The following PLG variants were observed in gnomAD, a reference collection of about 807,000 sequenced individuals.
PLG encodes plasminogen.
In PLG, 41 loss-of-function variants were observed where a neutral mutation model predicts 104.4. The observed-to-expected ratio is 0.39, with a 90% confidence interval of 0.31 to 0.51. The LOEUF is 0.51. Among genes scored for constraint, PLG ranks in the 20% least tolerant of loss-of-function variants. The pLI is 0.76. For synonymous variants in PLG, 337 were observed against 357.1 expected (o/e 0.94, Z 0.63); for missense variants, 891 against 1,003.6 (o/e 0.89, Z 1.52).
In PLG at chr6:160,741,433, T is replaced by C. The variant is rs1023952165; in HGVS notation, c.2125+16T>C. ...GAAACCCAAGGTGAGATAAATTCCA[T>C]TGCCCACATAACGAATTGGTTTTGA... On this transcript the variant is annotated intron_variant, in intron 17 of 18. Coordinates refer to ENST00000308192, the MANE Select transcript of PLG (RefSeq NM_000301.5). This position sits in a 1 kb window ranked among gnomAD's most constrained non-coding sequence, Gnocchi z 4.7. The C allele has an allele frequency of 6.8e-7, 1 of 1,474,638 alleles. No individual in the cohort carries two copies. The highest frequency in any genetic ancestry group is 9.5e-7 in the Non-Finnish European group (1 of 1,052,562). 91.3% of individuals were successfully genotyped at this position (1,474,638 alleles called of 1,614,324 possible).
Position 160,748,028 on chromosome 6 carries a change from T to C in PLG, c.2126-4087T>C, listed in dbSNP as rs569706339. 8.0e-3 allele frequency among the ~76,000 whole-genome samples: 1,208 copies of C among 151,620 alleles called. 9 individuals are homozygous for C. Among genetic ancestry groups the C allele is most frequent in the Non-Finnish European group, 0.013 (851 of 67,642 alleles). On this transcript the variant is annotated intron_variant, in intron 17 of 18. Coordinates refer to ENST00000308192, the MANE Select transcript of PLG (RefSeq NM_000301.5). ...TTAGAAAAGTCATAAACTCTCTGGC[T>C]GGGTGCAGTGGCTCACGCCTGTAAT... is the stretch of plus-strand genomic sequence containing the variant.
Position 160,753,127 on chromosome 6 carries a change from T to C in PLG, c.*66T>C, listed in dbSNP as rs1289063115. 3.4e-5 allele frequency: 34 copies of C among 1,008,660 alleles called. No homozygotes were observed. The highest frequency in any genetic ancestry group is 5.0e-5 in the Non-Finnish European group (33 of 657,716). 62.5% of individuals were successfully genotyped at this position (1,008,660 alleles called of 1,614,324 possible). A position where few individuals can be genotyped will look rare whatever the true frequency, so the allele number is the denominator to read the frequency against. ...CTGGAACGTGGGTAGGGATTTAGCA[T>C]GCTGGAAATAACTGGCAGTAATCAA... On this transcript the variant is annotated 3_prime_UTR_variant, in exon 19 of 19. Transcript: ENST00000308192. The surrounding 1 kb of genome is among the most constrained non-coding windows in gnomAD (Gnocchi z 5.4).
At chr6:160,704,978 G>A (rs1193160271) in intron 1 of PLG, among the ~76,000 whole-genome samples, 5 of 152,096 alleles carry the variant, frequency 3.3e-5, no homozygotes, top group African/African-American at 9.7e-5. Context: ...TCCCCTGACC[G>A]CATGTTCCCT....
At chr6:160,705,517 T>C (rs922881419) in intron 1 of PLG, 3 of 152,252 alleles carry the variant, frequency 2.0e-5, no homozygotes, top group African/African-American at 7.2e-5. Context: ...AGTAGTGTTG[T>C]GTGACTGTCA....
rs1442681521 is a variant in PLG, at chr6:160,726,352, A to C, written c.1256+3785A>C. Among the ~76,000 whole-genome samples the C allele has an allele frequency of 6.6e-6, 1 of 152,134 alleles. No homozygotes were observed. The highest frequency in any genetic ancestry group is 1.5e-5 in the Non-Finnish European group (1 of 67,940). ...CATTTCCAAATACTTCATAAGTCAA[A>C]GAAGGAATTTAGAAAAGTTTTGAAC... On this transcript the variant is annotated intron_variant, in intron 10 of 18. Coordinates refer to ENST00000308192, the MANE Select transcript of PLG (RefSeq NM_000301.5). This position sits in a 1 kb window ranked among gnomAD's most constrained non-coding sequence, Gnocchi z 4.4.
At chr6:160,715,006 C>T (rs1160322148) in intron 6 of PLG, 92 bp downstream of exon 6, 10 of 1,309,050 alleles carry the variant, frequency 7.6e-6, no homozygotes, top group African/African-American at 1.5e-5. Flanking sequence ...TAGCATTCCT[C>T]AAGAAGTGAA....
In PLG at chr6:160,744,126, T is replaced by C. The variant is rs370186991; in HGVS notation, c.2125+2709T>C. 2.6e-5 allele frequency among the ~76,000 whole-genome samples: 4 copies of C among 152,258 alleles called. No individual in the cohort carries two copies. The East Asian group carries it at 7.7e-4, about 29-fold the overall frequency. On this transcript the variant is annotated intron_variant, in intron 17 of 18. Coordinates refer to ENST00000308192, the MANE Select transcript of PLG (RefSeq NM_000301.5). The surrounding 1 kb of genome is among the most constrained non-coding windows in gnomAD (Gnocchi z 4.5). The stretch of plus-strand genomic sequence containing the variant: ...GATATTGGCCTGAAGTTTTTTGTTG[T>C]TTTTGTGTCTCTGCCAGGTTTTGGT...
At chr6:160,748,441 AAGGGAGGGAGGG>A (rs377006594) in intron 17 of PLG, among the ~76,000 whole-genome samples, 4,749 of 82,692 alleles carry the variant, frequency 0.057, 591 homozygotes, top group African/African-American at 0.19. Context: ...CGAAAGAAAG[AAGGGAGGGAGGG>A]AGGGAGGGAG....
At chr6:160,747,992 G>T (rs765371268) in intron 17 of PLG, among the ~76,000 whole-genome samples, 28 of 152,144 alleles carry the variant, frequency 1.8e-4, no homozygotes, top group Non-Finnish European at 3.5e-4. Context: ...CCATTTACTG[G>T]CTGTCAGGAC....
Position 160,753,621 on chromosome 6 carries a change from G to A in PLG, c.*560G>A, listed in dbSNP as rs373956668. On this transcript the variant is annotated 3_prime_UTR_variant, in exon 19 of 19. Coordinates refer to ENST00000308192, the MANE Select transcript of PLG (RefSeq NM_000301.5). This position sits in a 1 kb window ranked among gnomAD's most constrained non-coding sequence, Gnocchi z 5.4. ...CCGACTGCTTGACTTGAGCCCAGGG[G>A]ACACGGAGCAGAGAGCTGTATATGA... 6.6e-6 allele frequency among the ~76,000 whole-genome samples: 1 copy of A among 151,990 alleles called. No individual in the cohort carries two copies. The highest frequency in any genetic ancestry group is 6.6e-5 in the Admixed American group (1 of 15,226).
At chr6:160,710,820 G>A (rs1024142296) in intron 3 of PLG, among the ~76,000 whole-genome samples, 7 of 152,144 alleles carry the variant, frequency 4.6e-5, no homozygotes, top group African/African-American at 1.4e-4. Context: ...CAAGCCTCTG[G>A]CTGCACTGTG....
At position 160,752,417 on chromosome 6, in the gene PLG, C is replaced by T. The variant is rs768393519; in HGVS notation, c.2271+157C>T. On this transcript the variant is annotated intron_variant, in intron 18 of 18. Coordinates refer to ENST00000308192, the MANE Select transcript of PLG (RefSeq NM_000301.5). The surrounding 1 kb of genome is among the most constrained non-coding windows in gnomAD (Gnocchi z 4.7). ...AACTTCCTAGATCTGTCCCTGAATG[C>T]GTATTCAGATCATCTAAGGGGATGT... 5.9e-5 allele frequency among the ~76,000 whole-genome samples: 9 copies of T among 152,176 alleles called. No homozygotes were observed. The highest frequency in any genetic ancestry group is 1.3e-4 in the Admixed American group (2 of 15,276).
chr6:160,751,914 T>C (rs1260238634), intron 17 of PLG, among the ~76,000 whole-genome samples: 1 of 152,186 alleles, frequency 6.6e-6, no homozygotes, highest in Admixed American at 6.5e-5. Flanking sequence ...AAAGCCCAGA[T>C]TGTTAATTCC....
intron 3 of PLG, among the ~76,000 whole-genome samples, chr6:160,709,184 G>A (rs977827824): frequency 6.6e-6 from 1 of 152,094 alleles, no homozygotes; most frequent in African/African-American, 2.4e-5. Context: ...AAAAAAAGAA[G>A]TGAAAAGTCA....
chr6:160,721,428 G>C (rs1477470161), intron 9 of PLG, among the ~76,000 whole-genome samples: 5 of 152,154 alleles, frequency 3.3e-5, no homozygotes, highest in Admixed American at 2.0e-4. Context: ...TAACTGAATT[G>C]GGATTTGTGA....
At chr6:160,712,325 C>T (rs1777659097) in intron 4 of PLG, 1 of 156,370 alleles carries the variant, frequency 6.4e-6, no homozygotes, top group Admixed American at 6.2e-5. Context: ...TACAGCAACT[C>T]ATCTCTAGAA....
At position 160,718,271 on chromosome 6, in the gene PLG, G is replaced by A. The variant is rs367605068; in HGVS notation, c.788-23G>A. On this transcript the variant is annotated intron_variant, in intron 7 of 18. Transcript: ENST00000308192. ...GTCTCAAAAAATATATATATTCATT[G>A]TAACTTATTTTGCCCATTCAAGCAA... 3.1e-4 allele frequency: 502 copies of A among 1,601,766 alleles called. 1 individual carries two copies. The highest frequency in any genetic ancestry group is 4.1e-4 in the Non-Finnish European group (475 of 1,168,914).
At chr6:160,733,939 CCTT>C in intron 12 of PLG, 53 bp from the exon 13 acceptor site, 3 of 883,708 alleles carry the variant, frequency 3.4e-6, no homozygotes, top group Non-Finnish European at 5.8e-6. Flanking sequence ...CCTTGGAACA[CCTT>C]CTCCCTCTCC....
rs1228035650 is a variant in PLG, at chr6:160,731,215, A to G, written c.1421A>G (p.Glu474Gly). ...CCTGTTGTCCTGCTTCCAGATGTAG[A>G]GACTCCTTCCGAAGAAGGTAAGAAA... ...PPPVVLLPDVETPSEEDCMFG... is the reference protein window; with the variant it reads ...PPPVVLLPDVGTPSEEDCMFG... Residue 474 changes from glutamate to glycine, a missense_variant, in exon 11 of 19, where the codon GAG becomes GGG. Coordinates refer to ENST00000308192, the MANE Select transcript of PLG (RefSeq NM_000301.5). This position sits in a 1 kb window ranked among gnomAD's most constrained non-coding sequence, Gnocchi z 5.1. 6.2e-7 allele frequency: 1 copy of G among 1,613,908 alleles called. No homozygotes were observed. Among genetic ancestry groups the G allele is most frequent in the African/African-American group, 1.3e-5 (1 of 75,044 alleles).
Sources: gnomAD v4.1 joint callset for allele counts (sites outside exome capture counted in the v4.1 genomes callset) on GRCh38, gnomAD v4.1.1 for gene constraint, Gnocchi (gnomAD v3.1) non-coding constraint, MANE v1.5 for transcripts, NCBI Gene and HGNC (gene_info 2026-07-23, HGNC 2026-07-21) for gene names.